GNAI1: variants seen among roughly 807,000 people sequenced by gnomAD.
GNAI1 encodes the protein guanine nucleotide-binding protein G(i) subunit alpha-1.
Under a neutral mutation model 38.9 loss-of-function variants are expected in GNAI1, and 11 were observed. The ratio of observed to expected loss-of-function variants is 0.28; its 90% CI spans 0.18 to 0.47. GNAI1 has a LOEUF of 0.47. Among genes scored for constraint, GNAI1 ranks in the 20% least tolerant of loss-of-function variants. The probability of loss-of-function intolerance (pLI) is 0.99; values close to 1 mark genes in which losing one functional copy is unlikely to be tolerated. For missense variants in GNAI1, 317 were observed against 436.9 expected, an observed-to-expected ratio of 0.73 and a Z score of 2.45; for synonymous variants, 166 against 145.1, an observed-to-expected ratio of 1.14 and a Z score of -1.04.
At chr7:80,206,866 A>G (rs1177934357) in intron 5 of GNAI1, among the ~76,000 whole-genome samples, 1 of 152,112 alleles carries the variant, frequency 6.6e-6, no homozygotes, top group Non-Finnish European at 1.5e-5. Context: ...TAGAACAATC[A>G]TAGCAACGTA....
intron 1 of GNAI1, among the ~76,000 whole-genome samples, chr7:80,152,413 C>G (rs146399915): frequency 2.7e-3 from 414 of 152,142 alleles, no homozygotes; most frequent in Non-Finnish European, 4.4e-3. Flanking sequence ...AACTGATATA[C>G]CCAACAGGTG....
chr7:80,168,078 C>G (rs904307518), intron 1 of GNAI1, among the ~76,000 whole-genome samples: 1 of 152,164 alleles, frequency 6.6e-6, no homozygotes, highest in African/African-American at 2.4e-5. Context: ...TGTTCCTGGG[C>G]TAGCGCTATC....
intron 1 of GNAI1, among the ~76,000 whole-genome samples, chr7:80,148,080 ATTTGTCT>A (rs1320101995): frequency 4.6e-5 from 7 of 152,126 alleles, no homozygotes; most frequent in African/African-American, 1.4e-4. Context: ...TCTTTCTCTC[ATTTGTCT>A]TGATAGGCCT....
chr7:80,199,118 G>GT, intron 3 of GNAI1, 107 bp from the exon 4 acceptor site: 1 of 771,142 alleles, frequency 1.3e-6, no homozygotes, highest in East Asian at 2.6e-5. Context: ...TAAAAACAAA[G>GT]GAAGTTCGCT....
chr7:80,148,541 A>C (rs201531877), intron 1 of GNAI1, among the ~76,000 whole-genome samples: 3 of 149,992 alleles, frequency 2.0e-5, no homozygotes, highest in African/African-American at 4.9e-5. Flanking sequence ...TAAAAAAAAA[A>C]CAAAAAACTT....
intron 5 of GNAI1, among the ~76,000 whole-genome samples, chr7:80,210,385 C>T (rs1788852406): frequency 6.6e-6 from 1 of 152,046 alleles, no homozygotes. Context: ...TGTAATGTAT[C>T]ATGATTTTAC....
chr7:80,184,300 C>T (rs879924984), intron 1 of GNAI1, among the ~76,000 whole-genome samples: 3 of 152,232 alleles, frequency 2.0e-5, no homozygotes, highest in Admixed American at 6.5e-5. Context: ...GTGACTCGAA[C>T]GGTTATTGTG....
intron 3 of GNAI1, among the ~76,000 whole-genome samples, chr7:80,198,777 C>T (rs1050657863): frequency 3.3e-5 from 5 of 152,156 alleles, no homozygotes; most frequent in African/African-American, 4.8e-5. Flanking sequence ...TAAGGTATAT[C>T]AGAAAGCTAA....
At chr7:80,198,748 T>C (rs946051490) in intron 3 of GNAI1, among the ~76,000 whole-genome samples, 4 of 152,216 alleles carry the variant, frequency 2.6e-5, no homozygotes, top group African/African-American at 9.6e-5. Context: ...CTCCCTTCTC[T>C]GAACTTACTT....
rs1789011245 is a variant in GNAI1 at position 80,218,441 on chromosome 7, G to T, written c.*948G>T. 2 of 151,314 alleles carry T rather than the reference G, an allele frequency of 1.3e-5. No individual in the cohort carries two copies. The highest frequency in any genetic ancestry group is 4.8e-5 in the African/African-American group (2 of 41,258). The allele number at this position is 151,314 out of a possible 1,614,324, so 9.4% of individuals were successfully genotyped here. ...AGGGATCCTAAGAGCATTTTTGTGG[G>T]TAAAAAAAAAACCTGTGGACATAAT... On this transcript the variant is annotated 3_prime_UTR_variant, in exon 8 of 8. Transcript: ENST00000649796.
intron 3 of GNAI1, 90 bp from the exon 4 acceptor site, chr7:80,199,134 CT>C (rs57711391): frequency 0.24 from 169,571 of 708,428 alleles, 6,253 homozygotes; most frequent in South Asian, 0.28. Flanking sequence ...TCGCTATTGC[CT>C]TTTTTTTTTT....
At chr7:80,162,337 A>G (rs775761892) in intron 1 of GNAI1, among the ~76,000 whole-genome samples, 4 of 152,196 alleles carry the variant, frequency 2.6e-5, no homozygotes, top group Non-Finnish European at 4.4e-5. Flanking sequence ...CTCCTGTGCC[A>G]GGTAGTTAGC....
At chr7:80,214,289 C>A (rs1788923795) in intron 7 of GNAI1, among the ~76,000 whole-genome samples, 3 of 152,058 alleles carry the variant, frequency 2.0e-5, no homozygotes, top group Admixed American at 1.3e-4. Context: ...TTTTTTTGTG[C>A]TTATTAGAAA....
intron 1 of GNAI1, among the ~76,000 whole-genome samples, chr7:80,167,934 C>T (rs1788039140): frequency 1.3e-5 from 2 of 152,132 alleles, no homozygotes; most frequent in African/African-American, 4.8e-5. Context: ...CGATTTTTCA[C>T]CAACAAAATA....
At position 80,223,088 on chromosome 7, in the gene GNAI1, A is replaced by C. The variant is rs1000440753; in HGVS notation, c.*5595A>C. Among the ~76,000 whole-genome samples the C allele has an allele frequency of 3.3e-5, 5 of 152,202 alleles. No individual in the cohort carries two copies. Among genetic ancestry groups the C allele is most frequent in the Non-Finnish European group, 7.3e-5 (5 of 68,032 alleles). On this transcript the variant is annotated 3_prime_UTR_variant, in exon 8 of 8. Coordinates refer to ENST00000649796, the MANE Select transcript of GNAI1 (RefSeq NM_002069.6). Reference sequence around the variant, plus strand: ...CATGGGTACTTGAAATATGGTTTCTAACTGAATGCATACCAGTTTCGCACC... The same window carrying C: ...CATGGGTACTTGAAATATGGTTTCTCACTGAATGCATACCAGTTTCGCACC...
At chr7:80,194,770 G>A (rs939297719) in intron 3 of GNAI1, among the ~76,000 whole-genome samples, 2 of 151,932 alleles carry the variant, frequency 1.3e-5, no homozygotes, top group African/African-American at 4.8e-5. Flanking sequence ...TCAGATTTGG[G>A]ATTTTTTTCC....
chr7:80,198,122 T>TTCC (rs1788613141), intron 3 of GNAI1, among the ~76,000 whole-genome samples: 1 of 151,958 alleles, frequency 6.6e-6, no homozygotes, highest in Non-Finnish European at 1.5e-5. Flanking sequence ...AAACTAGAGT[T>TTCC]AGGTTATCCA....
intron 1 of GNAI1, among the ~76,000 whole-genome samples, chr7:80,153,083 C>T (rs866694859): frequency 5.3e-5 from 8 of 152,030 alleles, no homozygotes; most frequent in South Asian, 2.1e-4. Flanking sequence ...TCCCATTAAC[C>T]AAAGTAACTA....
chr7:80,208,797 C>T (rs972192810), intron 5 of GNAI1, among the ~76,000 whole-genome samples: 7 of 152,172 alleles, frequency 4.6e-5, no homozygotes, highest in Non-Finnish European at 1.0e-4. Context: ...TTTTCCTCAG[C>T]TAAATATCCA....
Sources: gnomAD v4.1 joint callset for allele counts (sites outside exome capture counted in the v4.1 genomes callset) on GRCh38, gnomAD v4.1.1 for gene constraint, MANE v1.5 for transcripts, NCBI Gene and HGNC (gene_info 2026-07-23, HGNC 2026-07-21) for gene names.